The following RADX variants were observed in gnomAD, a reference collection of about 807,000 sequenced individuals.
RADX encodes the protein RPA1 related single stranded DNA binding protein, X-linked.
RADX carries 36 observed loss-of-function variants against 61.6 expected under a neutral mutation model. The observed-to-expected ratio is 0.58, with a 90% CI of 0.45 to 0.77. The LOEUF (loss-of-function observed/expected upper bound fraction) is 0.77, where lower values mean the gene tolerates loss of function less well. RADX is among the 30% of genes least tolerant of loss of function. The pLI is 0.00. For synonymous variants in RADX, 272 were observed against 237.9 expected (o/e 1.14, Z -1.32); for missense variants, 497 against 651.1 (o/e 0.76, Z 2.58).
rs1927051303 is a variant in RADX, at chrX:106,625,315, C to T, written c.979+33C>T. Reference sequence around the variant, plus strand: ...ATTCCATGAATTTGTTGTCTTATCGCTGTTTTGTTTATATAAATTTGCAAT... The same window carrying T: ...ATTCCATGAATTTGTTGTCTTATCGTTGTTTTGTTTATATAAATTTGCAAT... On this transcript the variant is annotated intron_variant, in intron 3 of 13. Coordinates refer to ENST00000372548, the MANE Select transcript of RADX (RefSeq NM_018015.6). 1.1e-5 allele frequency: 11 copies of T among 1,010,902 alleles called. No individual in the cohort carries two copies. In the East Asian group the frequency reaches 3.6e-4, roughly 33 times the overall value. 83.3% of individuals were successfully genotyped at this position (1,010,902 alleles called of 1,213,427 possible).
At chrX:106,656,078 C>T (rs931414297) in intron 11 of RADX, among the ~76,000 whole-genome samples, 19 of 112,236 alleles carry the variant, frequency 1.7e-4, no homozygotes, top group African/African-American at 4.8e-4. Flanking sequence ...ATTGACACTA[C>T]TTTATCTATT....
intron 11 of RADX, among the ~76,000 whole-genome samples, chrX:106,650,489 G>A (rs57542240): frequency 0.11 from 12,131 of 110,553 alleles, 1,640 homozygotes; most frequent in African/African-American, 0.38. Flanking sequence ...CTGAAAGGCA[G>A]TGTGATCAGA....
chrX:106,641,149 C>T lies in RADX; in HGVS notation c.1904+428C>T, dbSNP rs143430969. Among the ~76,000 whole-genome samples the T allele has an allele frequency of 3.5e-3, 383 of 110,504 alleles. 2 individuals carry two copies. Among genetic ancestry groups the T allele is most frequent in the African/African-American group, 0.012 (357 of 30,375 alleles). Reference sequence around the variant, plus strand: ...AGGGGACCACCCTAATCCAGTATGACGTCATCTTTATCAGTAACATCTGCT... The same window carrying T: ...AGGGGACCACCCTAATCCAGTATGATGTCATCTTTATCAGTAACATCTGCT... On this transcript the variant is annotated intron_variant, in intron 10 of 13. Coordinates refer to ENST00000372548, the MANE Select transcript of RADX (RefSeq NM_018015.6).
At chrX:106,674,840 A>G (rs1928465784) in intron 13 of RADX, among the ~76,000 whole-genome samples, 1 of 111,077 alleles carries the variant, frequency 9.0e-6, no homozygotes, top group Admixed American at 9.5e-5. Context: ...CCTGGCCAAC[A>G]TGGTGAAACC....
intron 11 of RADX, among the ~76,000 whole-genome samples, chrX:106,649,720 G>T (rs1927749721): frequency 9.0e-6 from 1 of 111,358 alleles, no homozygotes; most frequent in South Asian, 3.7e-4. Context: ...TCATTCACTT[G>T]CTAACTAAAA....
At chrX:106,669,496 C>CT in intron 13 of RADX, among the ~76,000 whole-genome samples, 166 bp downstream of exon 13, 1 of 111,672 alleles carries the variant, frequency 9.0e-6, no homozygotes, top group African/African-American at 3.3e-5. Context: ...GAGAATATGT[C>CT]TTTTAAATAA....
intron 10 of RADX, among the ~76,000 whole-genome samples, chrX:106,641,941 T>C (rs1053328161): frequency 8.9e-6 from 1 of 111,977 alleles, no homozygotes; most frequent in South Asian, 3.7e-4. Flanking sequence ...TTGGTTTCTT[T>C]AAAGTGTCAG....
In RADX at chrX:106,660,745, A is replaced by G. The variant is rs748221330; in HGVS notation, c.1979-1270A>G. Among the ~76,000 whole-genome samples, 13 of 112,278 alleles carry G rather than the reference A, an allele frequency of 1.2e-4. No individual in the cohort carries two copies. The South Asian group carries it at 3.7e-3, about 32-fold the overall frequency. ...TACTTGTACCAAATTCCTTAACACA[A>G]TGTCTGGCACATAATAGGTGTTCTG... On this transcript the variant is annotated intron_variant, in intron 11 of 13. Coordinates refer to ENST00000372548, the MANE Select transcript of RADX (RefSeq NM_018015.6).
intron 3 of RADX, among the ~76,000 whole-genome samples, chrX:106,632,290 A>G: frequency 8.9e-6 from 1 of 112,103 alleles, no homozygotes; most frequent in Middle Eastern, 4.7e-3. Flanking sequence ...TTGAGTGAAA[A>G]AAGTAGTCAT....
intron 1 of RADX, among the ~76,000 whole-genome samples, chrX:106,622,099 G>A (rs759526952): frequency 9.2e-6 from 1 of 109,129 alleles, no homozygotes; most frequent in African/African-American, 3.3e-5. Context: ...ACCAGGCCCA[G>A]CTAATTTTTG....
chrX:106,625,781 TAC>T (rs760271628), intron 3 of RADX, among the ~76,000 whole-genome samples: 4 of 109,920 alleles, frequency 3.6e-5, no homozygotes, highest in East Asian at 2.8e-4. Context: ...TACATATCTT[TAC>T]ACACACACAC....
chrX:106,653,502 A>ATGTTT (rs1002313043), intron 11 of RADX, among the ~76,000 whole-genome samples: 8 of 97,524 alleles, frequency 8.2e-5, no homozygotes, highest in African/African-American at 2.9e-4. Flanking sequence ...TAATGGGATT[A>ATGTTT]TGTTTTATTT....
chrX:106,634,404 G>A (rs1338643758), intron 6 of RADX, among the ~76,000 whole-genome samples: 1 of 111,182 alleles, frequency 9.0e-6, no homozygotes, highest in Non-Finnish European at 1.9e-5. Context: ...AAAGTGCTGG[G>A]ATTACAGGCG....
intron 9 of RADX, among the ~76,000 whole-genome samples, chrX:106,640,086 C>T (rs898682664): frequency 3.7e-5 from 4 of 108,592 alleles, no homozygotes; most frequent in African/African-American, 1.3e-4. Flanking sequence ...ATATTAATTT[C>T]CTACCTTTTG....
chrX:106,676,495 A>G (rs1928514338), intron 13 of RADX, among the ~76,000 whole-genome samples: 3 of 112,235 alleles, frequency 2.7e-5, no homozygotes, highest in Non-Finnish European at 5.6e-5. Flanking sequence ...GATTAAAAGC[A>G]TATGCCTTCA....
chrX:106,632,906 T>C (rs747314551), intron 4 of RADX, 26 bp from the exon 5 acceptor site: 3 of 1,121,422 alleles, frequency 2.7e-6, no homozygotes, highest in Middle Eastern at 2.8e-4. Context: ...AAATAAAATA[T>C]TAATTTAGTG....
At chrX:106,625,345 CATATTAGG>C (rs1456083511) in intron 3 of RADX, 63 bp downstream of exon 3, 1 of 791,587 alleles carries the variant, frequency 1.3e-6, no homozygotes, top group Non-Finnish European at 1.7e-6. Context: ...TGCAATGTAC[CATATTAGG>C]AAAAAAGACC....
At position 106,620,431 on chromosome X, in the gene RADX, G is replaced by A. The variant is rs771927865; in HGVS notation, c.644-2220G>A. ...CTCACGCTTGTAATCTCAGCACTTT[G>A]GGAGTCTGAGGCAGGCGGATCACTT... On this transcript the variant is annotated intron_variant, in intron 1 of 13. Coordinates refer to ENST00000372548, the MANE Select transcript of RADX (RefSeq NM_018015.6). Among the ~76,000 whole-genome samples the A allele has an allele frequency of 2.6e-3, 291 of 111,222 alleles. 4 individuals carry two copies. Among genetic ancestry groups the A allele is most frequent in the African/African-American group, 9.1e-3 (277 of 30,599 alleles).
intron 1 of RADX, 151 bp from the exon 2 acceptor site, chrX:106,622,500 T>G: frequency 2.2e-6 from 1 of 452,057 alleles, no homozygotes; most frequent in Non-Finnish European, 3.8e-6. Context: ...ATGTAGTTTA[T>G]GAGAGGTAAT....
Sources: allele counts gnomAD v4.1 joint callset (sites outside exome capture counted in the v4.1 genomes callset), GRCh38; gene constraint gnomAD v4.1.1; transcripts MANE v1.5; gene names NCBI Gene and HGNC (gene_info 2026-07-23, HGNC 2026-07-21).